ACER2: variants seen among roughly 807,000 people sequenced by gnomAD.
ACER2 encodes alkCDase 2.
Under a neutral mutation model 34.7 loss-of-function variants are expected in ACER2, and 26 were observed. The ratio of observed to expected loss-of-function variants is 0.75; its 90% CI spans 0.55 to 1.04. ACER2 has a LOEUF of 1.04. ACER2 is among the 50% of genes least tolerant of loss of function. The pLI is 0.00. For missense variants in ACER2, 352 were observed against 340.8 expected (o/e 1.03, Z -0.26); for synonymous variants, 138 against 132.1 (o/e 1.04, Z -0.31).
chr9:19,423,000 C>T (rs900617870), intron 1 of ACER2, among the ~76,000 whole-genome samples: 15 of 150,110 alleles, frequency 1.0e-4, no homozygotes, highest in African/African-American at 3.4e-4. Flanking sequence ...CCAAAGAACT[C>T]CAGCCTGGGC....
intron 1 of ACER2, among the ~76,000 whole-genome samples, chr9:19,418,448 A>G (rs1589036497): frequency 6.6e-6 from 1 of 152,358 alleles, no homozygotes; most frequent in South Asian, 2.1e-4. Context: ...GAACCAACCC[A>G]AATGCCCATC....
At position 19,446,263 on chromosome 9, in the gene ACER2, C is replaced by A; in HGVS notation, c.504-18C>A. 1 of 1,614,068 alleles carries A rather than the reference C, an allele frequency of 6.2e-7. No individual in the cohort carries two copies. On this transcript the variant is annotated intron_variant, in intron 4 of 5. Coordinates refer to ENST00000340967, the MANE Select transcript of ACER2 (RefSeq NM_001010887.3). The stretch of plus-strand genomic sequence containing the variant: ...AGACAAGGTCTGACGATGAGTGACT[C>A]TCTGGACCCCCGTGCAGGTGTGACA...
At chr9:19,441,369 C>T (rs1291994048) in intron 4 of ACER2, among the ~76,000 whole-genome samples, 1 of 152,110 alleles carries the variant, frequency 6.6e-6, no homozygotes, top group Non-Finnish European at 1.5e-5. Flanking sequence ...CATTTTTCTA[C>T]CAGTCGATGT....
At chr9:19,424,044 C>T (rs1178479689) in intron 2 of ACER2, 68 bp downstream of exon 2, 2 of 1,235,368 alleles carry the variant, frequency 1.6e-6, no homozygotes, top group South Asian at 2.4e-5. Context: ...GAATTCCACA[C>T]ACTTCCTCTC....
At chr9:19,418,018 C>G (rs1364854115) in intron 1 of ACER2, among the ~76,000 whole-genome samples, 1 of 152,108 alleles carries the variant, frequency 6.6e-6, no homozygotes, top group Non-Finnish European at 1.5e-5. Flanking sequence ...AAAAACAACC[C>G]CATCAAAAAG....
intron 1 of ACER2, chr9:19,409,847 TG>T: frequency 1.0e-6 from 1 of 985,376 alleles, no homozygotes; most frequent in Non-Finnish European, 1.2e-6. Flanking sequence ...GTCTGAGGGA[TG>T]AAAGGAAAGT....
intron 4 of ACER2, among the ~76,000 whole-genome samples, chr9:19,437,320 G>A (rs1212433481): frequency 1.3e-5 from 2 of 152,094 alleles, no homozygotes; most frequent in Non-Finnish European, 2.9e-5. Flanking sequence ...TGATTTTAAT[G>A]GTGTCACTAT....
In ACER2 at chr9:19,435,096, C is replaced by G. The variant is rs1169331055; in HGVS notation, c.503+12C>G. On this transcript the variant is annotated intron_variant, in intron 4 of 5. Transcript: ENST00000340967. ...GCAGAGCTAAAGAGGTAGGTGCCAT[C>G]ATTCCTGCCTACCCTTAGCTGTCCC... 6.2e-7 allele frequency: 1 copy of G among 1,613,858 alleles called. No individual in the cohort carries two copies. The highest frequency in any genetic ancestry group is 8.5e-7 in the Non-Finnish European group (1 of 1,179,928).
At chr9:19,422,363 C>T (rs1830431738) in intron 1 of ACER2, among the ~76,000 whole-genome samples, 1 of 151,194 alleles carries the variant, frequency 6.6e-6, no homozygotes, top group African/African-American at 2.4e-5. Context: ...GTTCAAATGA[C>T]AATATTTTGA....
At chr9:19,426,918 G>C (rs967497424) in intron 3 of ACER2, among the ~76,000 whole-genome samples, 1 of 152,064 alleles carries the variant, frequency 6.6e-6, no homozygotes, top group Non-Finnish European at 1.5e-5. Flanking sequence ...ATATTGTGAG[G>C]CAGAGTTGTC....
At chr9:19,446,826 G>C (rs1226249209) in intron 5 of ACER2, among the ~76,000 whole-genome samples, 1 of 152,128 alleles carries the variant, frequency 6.6e-6, no homozygotes, top group Non-Finnish European at 1.5e-5. Flanking sequence ...TTTAGGGCCT[G>C]AGAGACCAAG....
rs893941755 is a variant in ACER2 at position 19,412,529 on chromosome 9, C to T, written c.108+3337C>T. ...TTTAGCTGGTTGTGGTGGTGCGTGCCTGTAAGTCCCCGCTACTCAGGAGGC... is the reference window on the plus strand; with the variant it reads ...TTTAGCTGGTTGTGGTGGTGCGTGCTTGTAAGTCCCCGCTACTCAGGAGGC... On this transcript the variant is annotated intron_variant, in intron 1 of 5. Coordinates refer to ENST00000340967, the MANE Select transcript of ACER2 (RefSeq NM_001010887.3). Among the ~76,000 whole-genome samples the T allele has an allele frequency of 4.6e-5, 7 of 151,844 alleles. No individual in the cohort carries two copies. In the South Asian group the frequency reaches 6.3e-4, roughly 14 times the overall value.
chr9:19,423,032 CAAAAA>C (rs764823366), intron 1 of ACER2, among the ~76,000 whole-genome samples: 3 of 68,954 alleles, frequency 4.4e-5, no homozygotes, highest in African/African-American at 1.4e-4. Context: ...AACTCTGTCT[CAAAAA>C]AAAAAAAAAA....
At chr9:19,431,351 A>G (rs990409609) in intron 3 of ACER2, among the ~76,000 whole-genome samples, 1 of 152,174 alleles carries the variant, frequency 6.6e-6, no homozygotes, top group African/African-American at 2.4e-5. Context: ...TTGAATGCAT[A>G]TCGGTCTCAC....
intron 1 of ACER2, among the ~76,000 whole-genome samples, chr9:19,421,091 C>G (rs1301741249): frequency 2.0e-5 from 3 of 152,168 alleles, no homozygotes; most frequent in African/African-American, 7.2e-5. Context: ...TGTTACTGTA[C>G]TGGACACTGT....
At chr9:19,437,483 G>A (rs1471107330) in intron 4 of ACER2, among the ~76,000 whole-genome samples, 1 of 152,086 alleles carries the variant, frequency 6.6e-6, no homozygotes, top group Non-Finnish European at 1.5e-5. Flanking sequence ...CACCCCTCCA[G>A]AGGACCATTG....
chr9:19,427,702 T>C (rs969997161), intron 3 of ACER2, among the ~76,000 whole-genome samples: 141 of 140,490 alleles, frequency 1.0e-3, no homozygotes, highest in African/African-American at 3.5e-3. Context: ...ACTGTCTCTC[T>C]GTTGCCCAGG....
At chr9:19,431,589 T>C (rs1830754435) in intron 3 of ACER2, among the ~76,000 whole-genome samples, 1 of 152,226 alleles carries the variant, frequency 6.6e-6, no homozygotes, top group African/African-American at 2.4e-5. Flanking sequence ...GTGATGGCTG[T>C]GGGCCCTCAC....
At position 19,450,574 on chromosome 9, in the gene ACER2, A is replaced by T; in HGVS notation, c.766A>T (p.Ile256Phe). 1 of 1,608,888 alleles carries T rather than the reference A, an allele frequency of 6.2e-7. No homozygotes were observed. The highest frequency in any genetic ancestry group is 1.1e-5 in the South Asian group (1 of 90,666). Residue 256 changes from isoleucine (I) to phenylalanine (F), a missense_variant, in exon 6 of 6, where the codon ATT becomes TTT. Physicochemically the swap from Ile to Phe is conservative, Grantham distance 21. Transcript: ENST00000340967. Reference sequence around the variant, plus strand: ...CTGGCCCAATGAGAAATGGGCCTTCATTGGTGTCCCCTATGTGTCCCTCCT... The same window carrying T: ...CTGGCCCAATGAGAAATGGGCCTTCTTTGGTGTCCCCTATGTGTCCCTCCT... ...KFWPNEKWAF[I>F]GVPYVSLLCA...
Sources: allele counts gnomAD v4.1 joint callset (sites outside exome capture counted in the v4.1 genomes callset), GRCh38; gene constraint gnomAD v4.1.1; transcripts MANE v1.5; gene names NCBI Gene and HGNC (gene_info 2026-07-23, HGNC 2026-07-21).